EYS: variants seen among roughly 807,000 people sequenced by gnomAD.
The protein encoded by EYS is EGF-like photoreceptor maintenance factor.
In EYS, 250 loss-of-function variants were observed where a neutral mutation model predicts 282.1. The observed-to-expected ratio is 0.89, with a 90% confidence interval of 0.80 to 0.98. The LOEUF (loss-of-function observed/expected upper bound fraction) is 0.98. EYS is among the 50% of genes least tolerant of loss of function. The probability of loss-of-function intolerance (pLI) is 0.00; values close to 1 mark genes in which losing one functional copy is unlikely to be tolerated. For synonymous variants in EYS, 1,355 were observed against 1,282.9 expected (o/e 1.06, Z -1.20); for missense variants, 4,016 against 3,709.0 (o/e 1.08, Z -2.15).
chr6:64,337,973 C>T (rs1263718626), intron 29 of EYS, among the ~76,000 whole-genome samples: 2 of 151,900 alleles, frequency 1.3e-5, no homozygotes, highest in African/African-American at 4.8e-5. Flanking sequence ...ATACAAGGGA[C>T]ACACCTTAGT....
intron 40 of EYS, among the ~76,000 whole-genome samples, chr6:63,768,358 G>A (rs1769847733): frequency 6.6e-6 from 1 of 151,622 alleles, no homozygotes; most frequent in African/African-American, 2.4e-5. Flanking sequence ...AATCTATAAG[G>A]AACTTAAACA....
chr6:64,931,200 G>A (rs1050135798), intron 15 of EYS, among the ~76,000 whole-genome samples: 3 of 151,822 alleles, frequency 2.0e-5, no homozygotes, highest in African/African-American at 7.3e-5. Context: ...TTTTTCTCAA[G>A]GAATATAAGC....
chr6:63,844,891 T>G (rs1046030784), intron 36 of EYS, among the ~76,000 whole-genome samples: 13 of 152,230 alleles, frequency 8.5e-5, no homozygotes, highest in Non-Finnish European at 1.5e-4. Context: ...ATTTTTGCTT[T>G]TGTTGCAATT....
At chr6:63,908,384 A>G (rs1039109925) in intron 35 of EYS, among the ~76,000 whole-genome samples, 12 of 152,130 alleles carry the variant, frequency 7.9e-5, no homozygotes, top group Admixed American at 2.0e-4. Context: ...TACAACCTCT[A>G]TGGAAAACAG....
intron 35 of EYS, among the ~76,000 whole-genome samples, chr6:63,932,821 C>T (rs1239207898): frequency 6.6e-6 from 1 of 152,208 alleles, no homozygotes; most frequent in African/African-American, 2.4e-5. Context: ...ACACTATTTA[C>T]CTGGAGATAG....
chr6:64,750,658 T>G (rs2149969173), intron 22 of EYS, among the ~76,000 whole-genome samples: 1 of 152,268 alleles, frequency 6.6e-6, no homozygotes, highest in South Asian at 2.1e-4. Context: ...AAATTTACAT[T>G]TTAGGGTTCT....
intron 26 of EYS, among the ~76,000 whole-genome samples, chr6:64,466,574 G>C (rs1158248402): frequency 6.6e-6 from 1 of 152,110 alleles, no homozygotes; most frequent in Non-Finnish European, 1.5e-5. Context: ...ACAGAGAGTA[G>C]AATGTTGGTT....
At chr6:64,291,822 G>A (rs865946513) in intron 30 of EYS, among the ~76,000 whole-genome samples, 14 of 151,938 alleles carry the variant, frequency 9.2e-5, no homozygotes, top group Admixed American at 6.6e-4. Flanking sequence ...GATTTCTTAC[G>A]AAAAGTGTTA....
At chr6:64,148,282 T>C (rs1289196503) in intron 31 of EYS, among the ~76,000 whole-genome samples, 5 of 152,190 alleles carry the variant, frequency 3.3e-5, no homozygotes, top group African/African-American at 4.8e-5. Context: ...CTACTTTGTA[T>C]ATGAAATATC....
intron 12 of EYS, among the ~76,000 whole-genome samples, chr6:65,278,921 G>A (rs1283453775): frequency 6.6e-6 from 1 of 152,092 alleles, no homozygotes; most frequent in Non-Finnish European, 1.5e-5. Flanking sequence ...CAGCCCGGTG[G>A]CTCCTGCTTG....
intron 36 of EYS, among the ~76,000 whole-genome samples, chr6:63,848,446 G>A (rs1210000386): frequency 6.6e-6 from 1 of 151,970 alleles, no homozygotes; most frequent in Non-Finnish European, 1.5e-5. Flanking sequence ...GACCAACGGA[G>A]AAGGCGGGTG....
At chr6:64,021,985 A>C (rs1196001518) in intron 33 of EYS, among the ~76,000 whole-genome samples, 3 of 152,202 alleles carry the variant, frequency 2.0e-5, no homozygotes, top group Non-Finnish European at 1.5e-5. Context: ...TGTAGGTTGT[A>C]TGCAAGTTTT....
At chr6:65,632,415 C>T (rs1415522942) in intron 2 of EYS, among the ~76,000 whole-genome samples, 2 of 152,234 alleles carry the variant, frequency 1.3e-5, no homozygotes, top group South Asian at 2.1e-4. Flanking sequence ...CACTAGACAA[C>T]GTATGCATGT....
chr6:65,616,929 A>G (rs926922521), intron 2 of EYS, among the ~76,000 whole-genome samples: 2 of 152,230 alleles, frequency 1.3e-5, no homozygotes, highest in African/African-American at 4.8e-5. Context: ...TAAAAATGTT[A>G]TTATTTCCCT....
intron 29 of EYS, among the ~76,000 whole-genome samples, chr6:64,323,123 A>G (rs1302455939): frequency 7.1e-6 from 1 of 141,226 alleles, no homozygotes; most frequent in East Asian, 2.0e-4. Flanking sequence ...TCACAGAGTT[A>G]TTCAACCATT....
chr6:63,966,518 C>A (rs2170542), intron 35 of EYS, among the ~76,000 whole-genome samples: 45,242 of 151,250 alleles, frequency 0.3, 6,802 homozygotes, highest in Admixed American at 0.38. Flanking sequence ...GAAAAAAAAA[C>A]TGGTTGCTGC....
At chr6:65,463,326 C>T (rs907009316) in intron 5 of EYS, among the ~76,000 whole-genome samples, 1 of 152,048 alleles carries the variant, frequency 6.6e-6, no homozygotes, top group African/African-American at 2.4e-5. Flanking sequence ...TGCCTGACAC[C>T]CCCAAATATT....
At chr6:64,403,951 C>A (rs1773621343) in intron 28 of EYS, among the ~76,000 whole-genome samples, 1 of 152,116 alleles carries the variant, frequency 6.6e-6, no homozygotes, top group South Asian at 2.1e-4. Context: ...AATCAGCCCA[C>A]TGGGTGGCTG....
intron 12 of EYS, among the ~76,000 whole-genome samples, chr6:65,171,577 G>A (rs1253824405): frequency 6.6e-6 from 1 of 150,976 alleles, no homozygotes; most frequent in Non-Finnish European, 1.5e-5. Context: ...TATTTCTTTA[G>A]TTGTGCGAGG....
Sources: gnomAD v4.1 joint callset for allele counts (sites outside exome capture counted in the v4.1 genomes callset) on GRCh38, gnomAD v4.1.1 for gene constraint, MANE v1.5 for transcripts, NCBI Gene and HGNC (gene_info 2026-07-23, HGNC 2026-07-21) for gene names.